The following EDA variants were observed in gnomAD, a reference collection of about 807,000 sequenced individuals.
The protein encoded by EDA is ectodysplasin-A.
A neutral mutation model predicts 23.6 loss-of-function variants in EDA; 2 were observed. The observed-to-expected ratio is 0.08, with a 90% CI of 0.03 to 0.27. The LOEUF (loss-of-function observed/expected upper bound fraction) is 0.27. Among genes scored for constraint, EDA ranks in the 10% least tolerant of loss-of-function variants. EDA has a pLI of 1.00. For synonymous variants in EDA, 131 were observed against 132.0 expected, an observed-to-expected ratio of 0.99 and a Z score of 0.05; for missense variants, 229 against 324.2, an observed-to-expected ratio of 0.71 and a Z score of 2.26.
At chrX:69,916,380 A>G (rs2018343319) in intron 1 of EDA, among the ~76,000 whole-genome samples, 1 of 104,471 alleles carries the variant, frequency 9.6e-6, no homozygotes, top group South Asian at 4.3e-4. Context: ...CATTAGTAAC[A>G]TTAATCTCTA....
chrX:69,738,034 C>T (rs918248597), intron 1 of EDA, among the ~76,000 whole-genome samples: 6 of 111,076 alleles, frequency 5.4e-5, no homozygotes, highest in Non-Finnish European at 1.1e-4. Context: ...TTATGGTATG[C>T]CTTAGTATGG....
intron 1 of EDA, among the ~76,000 whole-genome samples, chrX:69,708,363 A>G (rs1266026369): frequency 1.8e-5 from 2 of 111,366 alleles, no homozygotes. Context: ...TGATTGGTGG[A>G]CACTCAGCTA....
At chrX:70,009,605 G>A (rs1474136650) in intron 2 of EDA, among the ~76,000 whole-genome samples, 1 of 111,007 alleles carries the variant, frequency 9.0e-6, no homozygotes, top group Non-Finnish European at 1.9e-5. Flanking sequence ...GTTTTGTTTT[G>A]ATGCGGAGTC....
chrX:69,725,773 A>C (rs758612725), intron 1 of EDA, among the ~76,000 whole-genome samples: 3 of 112,581 alleles, frequency 2.7e-5, no homozygotes, highest in Non-Finnish European at 5.6e-5. Flanking sequence ...AACTGGTATC[A>C]GACCAACCAT....
At chrX:69,712,827 A>G (rs1179319618) in intron 1 of EDA, among the ~76,000 whole-genome samples, 3 of 111,239 alleles carry the variant, frequency 2.7e-5, no homozygotes, top group African/African-American at 9.8e-5. Context: ...TCCAACAATG[A>G]TAGACTGGAT....
chrX:69,782,123 T>C (rs1429376715), intron 1 of EDA, among the ~76,000 whole-genome samples: 1 of 109,291 alleles, frequency 9.1e-6, no homozygotes, highest in African/African-American at 3.3e-5. Flanking sequence ...ACCCCTGGCT[T>C]GTTTTCCACT....
chrX:69,770,091 G>T (rs1180347284), intron 1 of EDA, among the ~76,000 whole-genome samples: 1 of 112,228 alleles, frequency 8.9e-6, no homozygotes, highest in Non-Finnish European at 1.9e-5. Context: ...TGTATATCAA[G>T]AATTTATTCC....
At chrX:69,632,715 T>C (rs1417524019) in intron 1 of EDA, among the ~76,000 whole-genome samples, 1 of 111,940 alleles carries the variant, frequency 8.9e-6, no homozygotes, top group Non-Finnish European at 1.9e-5. Context: ...TTCCCCTCAC[T>C]AACTATAATA....
intron 1 of EDA, among the ~76,000 whole-genome samples, chrX:69,766,465 T>C (rs948294384): frequency 1.8e-5 from 2 of 111,135 alleles, no homozygotes; most frequent in African/African-American, 6.5e-5. Flanking sequence ...CCCAGTGTCT[T>C]ATAGGTCCTT....
At chrX:69,775,853 A>G (rs1602392652) in intron 1 of EDA, among the ~76,000 whole-genome samples, 2 of 112,057 alleles carry the variant, frequency 1.8e-5, no homozygotes, top group Non-Finnish European at 3.8e-5. Flanking sequence ...ATTCACACAG[A>G]TAAATAATTC....
At chrX:69,668,039 T>G (rs1933749983) in intron 1 of EDA, among the ~76,000 whole-genome samples, 1 of 112,409 alleles carries the variant, frequency 8.9e-6, no homozygotes, top group East Asian at 2.8e-4. Flanking sequence ...GGGGACTAAG[T>G]TTCTAACACC....
intron 1 of EDA, among the ~76,000 whole-genome samples, chrX:69,693,396 A>G (rs185106848): frequency 2.0e-3 from 228 of 111,608 alleles, no homozygotes; most frequent in Non-Finnish European, 3.5e-3. Context: ...ATTACATACT[A>G]TACTGGAAAA....
At chrX:69,897,921 G>A (rs1483721491) in intron 1 of EDA, among the ~76,000 whole-genome samples, 1 of 112,057 alleles carries the variant, frequency 8.9e-6, no homozygotes, top group Admixed American at 9.5e-5. Context: ...CTGTCAAGCA[G>A]ATCTGTATTG....
chrX:69,732,249 C>T (rs992651578), intron 1 of EDA, among the ~76,000 whole-genome samples: 3 of 111,111 alleles, frequency 2.7e-5, no homozygotes, highest in South Asian at 3.8e-4. Flanking sequence ...ATAATTTCCC[C>T]CTTCCACCAC....
At chrX:69,663,570 G>C (rs1229291290) in intron 1 of EDA, among the ~76,000 whole-genome samples, 3 of 112,559 alleles carry the variant, frequency 2.7e-5, no homozygotes, top group Non-Finnish European at 5.6e-5. Flanking sequence ...CCTCTGCTAG[G>C]GCAGTGCAGA....
chrX:69,735,157 G>C (rs1342483905), intron 1 of EDA, among the ~76,000 whole-genome samples: 1 of 110,311 alleles, frequency 9.1e-6, no homozygotes, highest in Non-Finnish European at 1.9e-5. Context: ...TAAACAAAAT[G>C]GTGTGTTTGT....
At chrX:69,740,183 A>G (rs992272742) in intron 1 of EDA, among the ~76,000 whole-genome samples, 2 of 111,171 alleles carry the variant, frequency 1.8e-5, no homozygotes, top group Non-Finnish European at 3.8e-5. Flanking sequence ...GAAAGAATAA[A>G]CATATACATT....
chrX:69,703,094 C>T (rs993978041), intron 1 of EDA, among the ~76,000 whole-genome samples: 4 of 110,834 alleles, frequency 3.6e-5, no homozygotes, highest in Non-Finnish European at 7.6e-5. Context: ...ATAAAAGGAG[C>T]AATTGTCACC....
chrX:70,035,730 C>G lies in EDA; in HGVS notation c.*121C>G. The G allele has an allele frequency of 7.6e-6, 7 of 920,445 alleles. No homozygotes were observed. Among genetic ancestry groups the G allele is most frequent in the Non-Finnish European group, 1.1e-5 (7 of 657,432 alleles). 75.9% of individuals were successfully genotyped at this position (920,445 alleles called of 1,213,427 possible). ...GGTGTTGCAGCCGCAGAGAAATGCC[C>G]CAGTGTTATTTATTCCCCAGTGACT... On this transcript the variant is annotated 3_prime_UTR_variant, in exon 8 of 8. Transcript: ENST00000374552.
Sources: gnomAD v4.1 joint callset for allele counts (sites outside exome capture counted in the v4.1 genomes callset) on GRCh38, gnomAD v4.1.1 for gene constraint, MANE v1.5 for transcripts, NCBI Gene and HGNC (gene_info 2026-07-23, HGNC 2026-07-21) for gene names.